The following MAPRE2 variants were observed in gnomAD, a reference collection of about 807,000 sequenced individuals.
MAPRE2 encodes microtubule associated protein RP/EB family member 2.
A neutral mutation model predicts 43.2 loss-of-function variants in MAPRE2; 13 were observed. The observed-to-expected ratio is 0.30, with a 90% CI of 0.20 to 0.48. The LOEUF (loss-of-function observed/expected upper bound fraction) is 0.48, where lower values mean the gene tolerates loss of function less well. Ranked by LOEUF, MAPRE2 falls within the 20% of genes least tolerant of loss-of-function variation. MAPRE2 has a pLI of 0.99. For synonymous variants in MAPRE2, 135 were observed against 148.8 expected, an observed-to-expected ratio of 0.91 and a Z score of 0.68; for missense variants, 161 against 400.2, an observed-to-expected ratio of 0.40 and a Z score of 5.10.
At chr18:35,099,772 T>C (rs184386053) in intron 3 of MAPRE2, among the ~76,000 whole-genome samples, 40 of 152,346 alleles carry the variant, frequency 2.6e-4, no homozygotes, top group African/African-American at 8.4e-4. Context: ...AAAAATATGG[T>C]ATCTTCCAAA....
chr18:35,047,496 T>G (rs1322495858), intron 1 of MAPRE2, among the ~76,000 whole-genome samples: 1 of 152,202 alleles, frequency 6.6e-6, no homozygotes, highest in Non-Finnish European at 1.5e-5. Flanking sequence ...ATTATTAGAT[T>G]GAGAGAATTC....
At chr18:35,006,749 G>A (rs1474088915) in intron 2 of MAPRE2, among the ~76,000 whole-genome samples, 1 of 152,194 alleles carries the variant, frequency 6.6e-6, no homozygotes, top group Non-Finnish European at 1.5e-5. Flanking sequence ...CATTACCAGA[G>A]GTTAGGAGTT....
rs777659452 is a variant in MAPRE2, at chr18:35,092,520, C to CAT, written c.251-4924_251-4923dup. Among the ~76,000 whole-genome samples, 7 of 152,242 alleles carry CAT rather than the reference C, an allele frequency of 4.6e-5. No individual in the cohort carries two copies. The East Asian group carries it at 1.2e-3, about 25-fold the overall frequency. On this transcript the variant is annotated intron_variant, in intron 2 of 6. Transcript: ENST00000300249. ...AAATGATAAAACTACTAGAAGAAAA[C>CAT]ATAGGGGAAATACTTCATGACATTG...
intron 5 of MAPRE2, among the ~76,000 whole-genome samples, chr18:35,129,656 C>T (rs150642815): frequency 6.6e-6 from 1 of 152,170 alleles, no homozygotes; most frequent in Admixed American, 6.5e-5. Context: ...GGTTGGTCTT[C>T]GCTCGGAGCG....
intron 1 of MAPRE2, among the ~76,000 whole-genome samples, chr18:35,050,708 C>A (rs1031021180): frequency 6.6e-6 from 1 of 152,164 alleles, no homozygotes; most frequent in African/African-American, 2.4e-5. Flanking sequence ...TTTGGCCACT[C>A]TGAGTGCAGT....
upstream of MAPRE2, among the ~76,000 whole-genome samples, chr18:35,037,645 C>T (rs2097051252): frequency 6.8e-6 from 1 of 147,326 alleles, no homozygotes; most frequent in Admixed American, 7.0e-5. Flanking sequence ...GTCATACGTA[C>T]AAACACATTT....
intron 6 of MAPRE2, among the ~76,000 whole-genome samples, chr18:35,133,902 CCA>C (rs999920172): frequency 6.6e-6 from 1 of 152,138 alleles, no homozygotes; most frequent in Non-Finnish European, 1.5e-5. Flanking sequence ...CCACCCGACC[CCA>C]CACACACATA....
At chr18:35,081,010 G>T (rs932957536) in intron 2 of MAPRE2, among the ~76,000 whole-genome samples, 2 of 152,104 alleles carry the variant, frequency 1.3e-5, no homozygotes, top group Admixed American at 1.3e-4. Context: ...GTTTCTCTTC[G>T]CATTCTGCAT....
chr18:34,989,736 TGTG>T (rs2097022798), intron 1 of MAPRE2, among the ~76,000 whole-genome samples: 1 of 151,824 alleles, frequency 6.6e-6, no homozygotes, highest in Non-Finnish European at 1.5e-5. Flanking sequence ...TTTTTTAAGT[TGTG>T]GTCCATTGAC....
At chr18:35,032,418 A>G (rs1222598489) in intron 2 of MAPRE2, among the ~76,000 whole-genome samples, 2 of 152,182 alleles carry the variant, frequency 1.3e-5, no homozygotes, top group Non-Finnish European at 2.9e-5. Context: ...TAGGGAATTC[A>G]TGTCTTCTCT....
At chr18:34,988,102 C>T (rs189354076) in intron 1 of MAPRE2, among the ~76,000 whole-genome samples, 250 of 152,252 alleles carry the variant, frequency 1.6e-3, no homozygotes, top group African/African-American at 5.9e-3. Context: ...TTGTAACTTA[C>T]AGAACAGTAT....
intron 1 of MAPRE2, among the ~76,000 whole-genome samples, chr18:35,062,155 C>T (rs1290149636): frequency 2.0e-5 from 3 of 152,048 alleles, no homozygotes; most frequent in East Asian, 1.9e-4. Flanking sequence ...GAGGAAAAGA[C>T]GTTTGGGGGG....
chr18:35,095,363 T>TACAC (rs34361204), intron 2 of MAPRE2, among the ~76,000 whole-genome samples: 35,918 of 135,872 alleles, frequency 0.26, 5,181 homozygotes, highest in Non-Finnish European at 0.33. Flanking sequence ...TTTAAGAAAA[T>TACAC]ACACACACAC....
chr18:34,981,908 G>A (rs1350349130), intron 1 of MAPRE2, among the ~76,000 whole-genome samples: 4 of 135,228 alleles, frequency 3.0e-5, no homozygotes, highest in African/African-American at 1.2e-4. Context: ...TTTTTGAGAC[G>A]GAGTCTCACT....
intron 3 of MAPRE2, among the ~76,000 whole-genome samples, chr18:35,100,713 C>T (rs1454590881): frequency 1.3e-5 from 2 of 152,122 alleles, no homozygotes; most frequent in East Asian, 3.9e-4. Context: ...GAGTGTATCT[C>T]AACACAACTG....
At chr18:34,981,438 T>G (rs933303165) in intron 1 of MAPRE2, among the ~76,000 whole-genome samples, 1 of 151,586 alleles carries the variant, frequency 6.6e-6, no homozygotes, top group Non-Finnish European at 1.5e-5. Flanking sequence ...TTTCTCAGAG[T>G]ATGATATATA....
chr18:35,119,999 A>G (rs1909601541), intron 4 of MAPRE2, among the ~76,000 whole-genome samples: 1 of 152,080 alleles, frequency 6.6e-6, no homozygotes, highest in African/African-American at 2.4e-5. Flanking sequence ...AGCATTTTCC[A>G]TGTATTAAGT....
intron 2 of MAPRE2, among the ~76,000 whole-genome samples, chr18:35,015,094 C>T (rs999567096): frequency 2.0e-5 from 3 of 152,114 alleles, no homozygotes; most frequent in Non-Finnish European, 2.9e-5. Context: ...GACCCCTAAA[C>T]AAGAAATGTG....
At position 34,978,435 on chromosome 18, in the gene MAPRE2, G is replaced by C. The variant is rs574101106; in HGVS notation, c.-70+1356G>C. 2.7e-3 allele frequency: 3,450 copies of C among 1,276,630 alleles called. 10 individuals are homozygous for C. The highest frequency in any genetic ancestry group is 3.3e-3 in the Non-Finnish European group (2,937 of 896,264). 79.1% of individuals were successfully genotyped at this position (1,276,630 alleles called of 1,614,324 possible). A position where few individuals can be genotyped will look rare whatever the true frequency, so the allele number is the denominator to read the frequency against. ...CCAGCTGGGGTGAAGTGTGCAGACC[G>C]GTTGCGATTGTGGTCAGACGCAGCA... On this transcript the variant is annotated intron_variant, in intron 1 of 7. Coordinates refer to the MAPRE2 transcript ENST00000413393.
Sources: allele counts gnomAD v4.1 joint callset (sites outside exome capture counted in the v4.1 genomes callset), GRCh38; gene constraint gnomAD v4.1.1; transcripts MANE v1.5; gene names NCBI Gene and HGNC (gene_info 2026-07-23, HGNC 2026-07-21).